ASCC1: variants seen among roughly 807,000 people sequenced by gnomAD.
The protein encoded by ASCC1 is ASC-1 complex subunit P50.
A neutral mutation model predicts 46.6 loss-of-function variants in ASCC1; 35 were observed. That is an observed-to-expected ratio of 0.75 (90% CI 0.57 to 0.99). The LOEUF (loss-of-function observed/expected upper bound fraction) is 0.99. Ranked by LOEUF, ASCC1 falls within the 50% of genes least tolerant of loss-of-function variation. The pLI is 0.00. For synonymous variants in ASCC1, 143 were observed against 146.6 expected, an observed-to-expected ratio of 0.98 and a Z score of 0.18; for missense variants, 376 against 428.7, an observed-to-expected ratio of 0.88 and a Z score of 1.09.
intron 9 of ASCC1, among the ~76,000 whole-genome samples, chr10:72,100,227 A>G (rs907198590): frequency 4.7e-5 from 7 of 149,704 alleles, no homozygotes; most frequent in Non-Finnish European, 1.0e-4. Flanking sequence ...TTATTGTTAT[A>G]TCTTTTTTTT....
At chr10:72,199,947 G>A (rs781709305) in intron 4 of ASCC1, among the ~76,000 whole-genome samples, 15 of 151,572 alleles carry the variant, frequency 9.9e-5, no homozygotes, top group Non-Finnish European at 1.9e-4. Context: ...TGCCCGGGCT[G>A]ACCTTGAACA....
At chr10:72,188,722 T>C (rs1853897233) in intron 5 of ASCC1, among the ~76,000 whole-genome samples, 1 of 152,278 alleles carries the variant, frequency 6.6e-6, no homozygotes, top group South Asian at 2.1e-4. Flanking sequence ...ATTTATTAAA[T>C]GCTTATTATG....
chr10:72,155,061 T>G (rs892485032), intron 6 of ASCC1, among the ~76,000 whole-genome samples: 2 of 150,562 alleles, frequency 1.3e-5, no homozygotes, highest in Non-Finnish European at 2.9e-5. Flanking sequence ...GTGCATGCTA[T>G]GCTACTTGTA....
chr10:72,170,828 C>T (rs1850983470), intron 5 of ASCC1, among the ~76,000 whole-genome samples: 1 of 151,946 alleles, frequency 6.6e-6, no homozygotes, highest in Non-Finnish European at 1.5e-5. Context: ...AGGTTGAGAA[C>T]TATAACATTA....
chr10:72,143,918 T>C (rs1267925178), intron 7 of ASCC1, among the ~76,000 whole-genome samples: 1 of 151,974 alleles, frequency 6.6e-6, no homozygotes, highest in East Asian at 1.9e-4. Flanking sequence ...TTCAGAACTG[T>C]TATATCTTCC....
At chr10:72,203,339 C>G (rs1856767460) in intron 4 of ASCC1, 88 bp downstream of exon 4, 1 of 944,144 alleles carries the variant, frequency 1.1e-6, no homozygotes, top group Non-Finnish European at 1.7e-6. Flanking sequence ...CCACAGAAAA[C>G]ATAGTTACTA....
At chr10:72,189,411 A>T (rs1363328790) in intron 5 of ASCC1, among the ~76,000 whole-genome samples, 2 of 151,998 alleles carry the variant, frequency 1.3e-5, no homozygotes, top group Non-Finnish European at 2.9e-5. Context: ...CCATCTCAAA[A>T]AAAAATAAAA....
At position 72,196,930 on chromosome 10, in the gene ASCC1, A is replaced by G. The variant is rs1417708823; in HGVS notation, c.370T>C (p.Leu124=). ...ISARTRIDVL[L]DTFRRKQPFT... ...GGCTGCTTTCTTCGAAAAGTGTCCA[A>G]AAGAACATCAATCCGTGTTCGGGCT... Residue 124 remains leucine, a synonymous_variant, in exon 5 of 10, where the codon TTG becomes CTG. Coordinates refer to ENST00000672957, the MANE Select transcript of ASCC1 (RefSeq NM_001198800.3). 6.2e-7 allele frequency: 1 copy of G among 1,613,702 alleles called. No individual in the cohort carries two copies. The highest frequency in any genetic ancestry group is 1.3e-5 in the African/African-American group (1 of 75,026).
intron 5 of ASCC1, among the ~76,000 whole-genome samples, chr10:72,194,846 G>A (rs1855123683): frequency 6.6e-6 from 1 of 151,588 alleles, no homozygotes; most frequent in African/African-American, 2.4e-5. Context: ...AGGTTCAAGC[G>A]ATTCTCCTGC....
At chr10:72,158,961 A>ATCTCT (rs1430169026) in intron 6 of ASCC1, 2 of 152,224 alleles carry the variant, frequency 1.3e-5, no homozygotes, top group Non-Finnish European at 2.9e-5. Flanking sequence ...ATTTAACAGA[A>ATCTCT]GTACCCTTTT....
At chr10:72,112,392 C>G (rs1307993164) in intron 9 of ASCC1, among the ~76,000 whole-genome samples, 4 of 151,870 alleles carry the variant, frequency 2.6e-5, no homozygotes, top group Admixed American at 1.3e-4. Flanking sequence ...GAGACAGAAA[C>G]TGGAGTGGTG....
intron 5 of ASCC1, among the ~76,000 whole-genome samples, chr10:72,172,427 A>G (rs1851227603): frequency 6.7e-6 from 1 of 149,300 alleles, no homozygotes; most frequent in Non-Finnish European, 1.5e-5. Flanking sequence ...AAAAAAAAAA[A>G]AAAAAAAAGA....
At chr10:72,162,657 A>AAGGGACCAGGG (rs2132704908) in intron 5 of ASCC1, among the ~76,000 whole-genome samples, 1 of 152,012 alleles carries the variant, frequency 6.6e-6, no homozygotes, top group East Asian at 1.9e-4. Context: ...AAAATGGGAA[A>AAGGGACCAGGG]AGGGACCAGG....
At chr10:72,205,072 C>T (rs141417823) in intron 3 of ASCC1, among the ~76,000 whole-genome samples, 8 of 152,248 alleles carry the variant, frequency 5.3e-5, no homozygotes, top group Non-Finnish European at 1.2e-4. Flanking sequence ...AAGTGAGAGG[C>T]TGACGCAGAA....
At chr10:72,150,894 A>G (rs553523160) in intron 7 of ASCC1, among the ~76,000 whole-genome samples, 1 of 152,366 alleles carries the variant, frequency 6.6e-6, no homozygotes, top group East Asian at 1.9e-4. Flanking sequence ...AACCACAATG[A>G]GATACCATCT....
At chr10:72,138,735 C>T (rs1429543871) in intron 7 of ASCC1, among the ~76,000 whole-genome samples, 5 of 151,758 alleles carry the variant, frequency 3.3e-5, no homozygotes, top group Non-Finnish European at 5.9e-5. Context: ...CCACACCCAG[C>T]TAATTTTTGT....
At chr10:72,188,675 T>C (rs749781819) in intron 5 of ASCC1, among the ~76,000 whole-genome samples, 3 of 152,184 alleles carry the variant, frequency 2.0e-5, no homozygotes, top group Admixed American at 6.5e-5. Flanking sequence ...CTAACAACTT[T>C]AACTCGCAGT....
intron 5 of ASCC1, among the ~76,000 whole-genome samples, chr10:72,167,298 T>C (rs150915868): frequency 6.6e-6 from 1 of 152,274 alleles, no homozygotes; most frequent in East Asian, 1.9e-4. Flanking sequence ...TACTAACACA[T>C]GCAAAAACAT....
At chr10:72,147,118 G>T (rs1230897293) in intron 7 of ASCC1, among the ~76,000 whole-genome samples, 1 of 150,544 alleles carries the variant, frequency 6.6e-6, no homozygotes, top group Middle Eastern at 3.4e-3. Flanking sequence ...AAATCTTTTT[G>T]AAATAATACA....
Sources: allele counts gnomAD v4.1 joint callset (sites outside exome capture counted in the v4.1 genomes callset), GRCh38; gene constraint gnomAD v4.1.1; transcripts MANE v1.5; gene names NCBI Gene and HGNC (gene_info 2026-07-23, HGNC 2026-07-21).